ERICH3: variants seen among roughly 807,000 people sequenced by gnomAD.
ERICH3 encodes the protein glutamate-rich protein 3.
A neutral mutation model predicts 131.1 loss-of-function variants in ERICH3; 126 were observed. The ratio of observed to expected loss-of-function variants is 0.96; its 90% CI spans 0.83 to 1.11. ERICH3 has a LOEUF of 1.11. Among genes scored for constraint, ERICH3 ranks in the 50% most tolerant of loss-of-function variants. The pLI is 0.00. For synonymous variants in ERICH3, 695 were observed against 644.6 expected (o/e 1.08, Z -1.18); for missense variants, 2,050 against 1,810.7 (o/e 1.13, Z -2.40).
intron 11 of ERICH3, among the ~76,000 whole-genome samples, chr1:74,591,283 G>C (rs971361559): frequency 6.6e-6 from 1 of 152,162 alleles, no homozygotes; most frequent in African/African-American, 2.4e-5. Flanking sequence ...GGAAGGAAGG[G>C]CAGAAATCAA....
intron 7 of ERICH3, chr1:74,622,743 G>A (rs1332927771): frequency 6.6e-6 from 1 of 152,184 alleles, no homozygotes; most frequent in Non-Finnish European, 1.5e-5. Context: ...TGTGTCCTGT[G>A]TATGAAATGA....
chr1:74,599,790 C>T lies in ERICH3; in HGVS notation c.1631G>A (p.Ser544Asn). 1 of 1,612,480 alleles carries T rather than the reference C, an allele frequency of 6.2e-7. No individual in the cohort carries two copies. The highest frequency in any genetic ancestry group is 2.2e-5 in the East Asian group (1 of 44,814). The change falls in exon 11 of 15, where the codon AGT (serine) becomes AAT (asparagine). Residue 544 changes from serine to asparagine, a missense_variant. Coordinates refer to ENST00000326665, the MANE Select transcript of ERICH3 (RefSeq NM_001002912.5). The stretch of plus-strand genomic sequence containing the variant: ...TGGTGCCTTCTGTGATGAGGTTTCA[C>T]TCTCTTTTTCAGGGTCTAAATTATC... Reference protein sequence around the residue: ...KKDNLDPEKESETSSQKAPDA... With the variant: ...KKDNLDPEKENETSSQKAPDA...
At position 74,606,666 on chromosome 1, in the gene ERICH3, A is replaced by G; in HGVS notation, c.1424T>C (p.Met475Thr). Residue 475 changes from methionine to threonine, a missense_variant, in exon 10 of 15, where the codon ATG becomes ACG. Transcript: ENST00000326665. The part of the protein sequence containing the change: ...LKEVVTAVEE[M>T]TSKGKPGQEV... Reference sequence around the variant, plus strand: ...TTGTCCTGGTTTTCCTTTACTTGTCATTTCCTCCACAGCAGTTACCACTTC... The same window carrying G: ...TTGTCCTGGTTTTCCTTTACTTGTCGTTTCCTCCACAGCAGTTACCACTTC... 2 of 1,612,914 alleles carry G rather than the reference A, an allele frequency of 1.2e-6. No individual in the cohort carries two copies. The highest frequency in any genetic ancestry group is 1.7e-6 in the Non-Finnish European group (2 of 1,179,368).
intron 12 of ERICH3, chr1:74,577,469 T>A (rs911614285): frequency 9.8e-5 from 15 of 152,952 alleles, no homozygotes; most frequent in African/African-American, 3.6e-4. Flanking sequence ...GTTCTGTTAT[T>A]ATCTGTCCAG....
At chr1:74,624,767 A>G (rs906150673) in intron 7 of ERICH3, 1 of 152,674 alleles carries the variant, frequency 6.5e-6, no homozygotes, top group Non-Finnish European at 1.5e-5. Context: ...AAGAGTTATT[A>G]ACATTATTGA....
At chr1:74,649,442 G>T in intron 1 of ERICH3, 127 bp from the exon 2 acceptor site, 1 of 615,374 alleles carries the variant, frequency 1.6e-6, no homozygotes, top group South Asian at 2.2e-5. Flanking sequence ...ATTCATATAT[G>T]TGTTTAATAA....
At chr1:74,636,037 G>A (rs1646386039) in intron 6 of ERICH3, among the ~76,000 whole-genome samples, 1 of 152,100 alleles carries the variant, frequency 6.6e-6, no homozygotes, top group African/African-American at 2.4e-5. Context: ...TGTAAACTAA[G>A]GAGAAATCAC....
At chr1:74,667,902 A>T (rs1483126329) in intron 1 of ERICH3, among the ~76,000 whole-genome samples, 1 of 152,084 alleles carries the variant, frequency 6.6e-6, no homozygotes, top group African/African-American at 2.4e-5. Flanking sequence ...GGATTATGGA[A>T]GCACTTTCCC....
intron 11 of ERICH3, among the ~76,000 whole-genome samples, chr1:74,599,224 C>T (rs1355409918): frequency 6.6e-6 from 1 of 151,876 alleles, no homozygotes; most frequent in Admixed American, 6.6e-5. Flanking sequence ...TGGCTATAGT[C>T]GTAAATGTCC....
chr1:74,574,025 G>C lies in ERICH3; in HGVS notation c.2219-534C>G, dbSNP rs551228018. Among the ~76,000 whole-genome samples, 4 of 142,532 alleles carry C rather than the reference G, an allele frequency of 2.8e-5. No homozygotes were observed. In the South Asian group the frequency reaches 8.9e-4, roughly 32 times the overall value. The allele number at this position is 142,532 out of a possible 152,430, so 93.5% of individuals were successfully genotyped here. On this transcript the variant is annotated intron_variant, in intron 13 of 14. Transcript: ENST00000326665. ...TTTTTTTTTCAGGCAGGGTCTCGCT[G>C]TGTCACCCAGGCTGGAGGGCAGCAG...
intron 13 of ERICH3, among the ~76,000 whole-genome samples, chr1:74,575,204 C>T (rs774246770): frequency 3.4e-4 from 51 of 152,150 alleles, no homozygotes; most frequent in African/African-American, 1.1e-3. Context: ...ACACGGTTAT[C>T]GTTTGTTGCA....
chr1:74,590,476 C>T (rs1391622694), intron 11 of ERICH3, among the ~76,000 whole-genome samples: 4 of 152,176 alleles, frequency 2.6e-5, no homozygotes, highest in Admixed American at 2.6e-4. Context: ...TAATGCGAGA[C>T]AGTGGCAGAC....
chr1:74,643,410 T>A (rs1557697049), intron 3 of ERICH3, among the ~76,000 whole-genome samples: 1 of 151,822 alleles, frequency 6.6e-6, no homozygotes, highest in Non-Finnish European at 1.5e-5. Flanking sequence ...ATCTGAAAGA[T>A]TTTTTTTCCT....
At chr1:74,574,903 T>C (rs1056396736) in intron 13 of ERICH3, among the ~76,000 whole-genome samples, 11 of 152,044 alleles carry the variant, frequency 7.2e-5, no homozygotes, top group African/African-American at 2.4e-4. Context: ...ATAATTTATA[T>C]CAATTTAATC....
chr1:74,571,358 C>T lies in ERICH3; in HGVS notation c.4352G>A (p.Gly1451Glu), dbSNP rs1570783526. 6 of 1,614,030 alleles carry T rather than the reference C, an allele frequency of 3.7e-6. No individual in the cohort carries two copies. In the Middle Eastern group the frequency reaches 5.0e-4, roughly 133 times the overall value. ...TSGLGQEQEEGSEGQEAATGS... is the reference protein window; with the variant it reads ...TSGLGQEQEEESEGQEAATGS... ...AGTGGCTGCCTCCTGGCCCTCTGAC[C>T]CTTCCTCTTGCTCCTGTCCTAGCCC... is the stretch of plus-strand genomic sequence containing the variant. The change falls in exon 14 of 15, where the codon GGG (glycine) becomes GAG (glutamate). Residue 1451 changes from glycine (G) to glutamate (E), a missense_variant. By Grantham distance (98) the Gly-to-Glu change is moderately conservative. Coordinates refer to ENST00000326665, the MANE Select transcript of ERICH3 (RefSeq NM_001002912.5).
At chr1:74,666,848 A>G (rs369904388) in intron 1 of ERICH3, among the ~76,000 whole-genome samples, 11 of 152,322 alleles carry the variant, frequency 7.2e-5, no homozygotes, top group African/African-American at 2.6e-4. Flanking sequence ...TGTGTGTTCA[A>G]TGTACTATTC....
intron 1 of ERICH3, among the ~76,000 whole-genome samples, chr1:74,656,574 C>T: frequency 6.6e-6 from 1 of 152,166 alleles, no homozygotes; most frequent in East Asian, 1.9e-4. Flanking sequence ...CTTTACCTAG[C>T]CATTATCCAT....
chr1:74,590,079 A>G lies in ERICH3; in HGVS notation c.1728T>C (p.Asp576=). The change falls in exon 12 of 15, where the codon GAT becomes GAC. Residue 576 remains aspartate (D), a splice_region_variant and synonymous_variant. Transcript: ENST00000326665. ...ATGAGGTTGATGAAGCAGTTTTCAT[A>G]TCTACAAAAAATAAAAGTGATGACA... ...SESELEEDKQ[D]MKTASSTSSR... 2 of 1,577,702 alleles carry G rather than the reference A, an allele frequency of 1.3e-6. No homozygotes were observed. Among genetic ancestry groups the G allele is most frequent in the African/African-American group, 1.4e-5 (1 of 73,604 alleles).
intron 1 of ERICH3, among the ~76,000 whole-genome samples, chr1:74,662,368 A>AAAG (rs1646650133): frequency 6.6e-6 from 1 of 152,182 alleles, no homozygotes; most frequent in Non-Finnish European, 1.5e-5. Flanking sequence ...GAAGATTTTA[A>AAAG]AAGTCATAAT....
Sources: allele counts gnomAD v4.1 joint callset (sites outside exome capture counted in the v4.1 genomes callset), GRCh38; gene constraint gnomAD v4.1.1; transcripts MANE v1.5; gene names NCBI Gene and HGNC (gene_info 2026-07-23, HGNC 2026-07-21).